Variants in LRRTM4 observed in about 807,000 individuals in gnomAD.
LRRTM4 encodes the protein leucine rich repeat transmembrane neuronal 4, also known as leucine-rich repeat transmembrane neuronal protein 4.
A neutral mutation model predicts 47.6 loss-of-function variants in LRRTM4; 25 were observed. The ratio of observed to expected loss-of-function variants is 0.53; its 90% CI spans 0.38 to 0.73. LRRTM4 has a LOEUF of 0.73. LRRTM4 is among the 30% of genes least tolerant of loss of function. The probability of loss-of-function intolerance (pLI) is 0.00; values close to 1 mark genes in which losing one functional copy is unlikely to be tolerated. For missense variants in LRRTM4, 638 were observed against 713.4 expected, an observed-to-expected ratio of 0.89 and a Z score of 1.20; for synonymous variants, 311 against 269.5, an observed-to-expected ratio of 1.15 and a Z score of -1.51.
At chr2:76,830,544 G>GTGTA (rs1218079197) in intron 3 of LRRTM4, among the ~76,000 whole-genome samples, 1 of 150,482 alleles carries the variant, frequency 6.6e-6, no homozygotes, top group Non-Finnish European at 1.5e-5. Flanking sequence ...GTGTGTGTGT[G>GTGTA]TGTTTCTGCA....
chr2:77,140,236 T>C (rs1672081805), intron 3 of LRRTM4, among the ~76,000 whole-genome samples: 1 of 152,130 alleles, frequency 6.6e-6, no homozygotes, highest in East Asian at 1.9e-4. Context: ...ACTAAAATGC[T>C]ATAGTAACCA....
intron 3 of LRRTM4, among the ~76,000 whole-genome samples, chr2:76,979,468 A>G (rs1404939151): frequency 6.6e-6 from 1 of 150,848 alleles, no homozygotes; most frequent in African/African-American, 2.5e-5. Context: ...ATGTGTTGTG[A>G]TATGTCAGAG....
At chr2:77,131,690 G>C (rs1177358632) in intron 3 of LRRTM4, among the ~76,000 whole-genome samples, 1 of 152,086 alleles carries the variant, frequency 6.6e-6, no homozygotes, top group Admixed American at 6.6e-5. Context: ...CAGGACAATG[G>C]GGAAGAATTT....
chr2:76,819,562 C>T (rs1670997154), intron 3 of LRRTM4, among the ~76,000 whole-genome samples: 1 of 151,866 alleles, frequency 6.6e-6, no homozygotes, highest in Non-Finnish European at 1.5e-5. Flanking sequence ...TTTCTCACTT[C>T]ATAATATTTT....
intron 3 of LRRTM4, among the ~76,000 whole-genome samples, chr2:77,298,275 C>T (rs1378307482): frequency 2.0e-5 from 3 of 152,170 alleles, no homozygotes; most frequent in Admixed American, 6.5e-5. Flanking sequence ...CTCGCTCTGT[C>T]GCCCAGGCTG....
At position 77,399,411 on chromosome 2, in the gene LRRTM4, G is replaced by A. The variant is rs1673848885; in HGVS notation, c.1551+118907C>T. Among the ~76,000 whole-genome samples the A allele has an allele frequency of 5.9e-5, 9 of 151,734 alleles. No individual in the cohort carries two copies. In the Admixed American group the frequency reaches 5.9e-4, roughly 10 times the overall value. ...AAATACTACATGATCTCACTTGTAT[G>A]TGGAATCTAAAAACATTTAACTCAT... On this transcript the variant is annotated intron_variant, in intron 3 of 3. Transcript: ENST00000409884.
intron 3 of LRRTM4, among the ~76,000 whole-genome samples, chr2:76,848,504 G>C (rs940676775): frequency 6.6e-6 from 1 of 151,840 alleles, no homozygotes; most frequent in African/African-American, 2.4e-5. Flanking sequence ...TTCGTACTTT[G>C]TTCATTTTCT....
At chr2:76,842,886 T>C (rs1320101506) in intron 3 of LRRTM4, among the ~76,000 whole-genome samples, 1 of 152,206 alleles carries the variant, frequency 6.6e-6, no homozygotes, top group East Asian at 1.9e-4. Flanking sequence ...GGTTATATAT[T>C]GCTGAGATCC....
intron 3 of LRRTM4, among the ~76,000 whole-genome samples, chr2:77,269,371 A>G (rs997155763): frequency 1.3e-5 from 2 of 152,172 alleles, no homozygotes; most frequent in Admixed American, 1.3e-4. Context: ...ATGTTGAATA[A>G]ATATCATTAA....
intron 3 of LRRTM4, among the ~76,000 whole-genome samples, chr2:76,998,470 T>A (rs1024615962): frequency 6.6e-6 from 1 of 151,748 alleles, no homozygotes; most frequent in African/African-American, 2.4e-5. Flanking sequence ...AACAAACAGA[T>A]CCATGATGCA....
At chr2:77,104,578 T>C (rs1671042125) in intron 3 of LRRTM4, among the ~76,000 whole-genome samples, 1 of 152,016 alleles carries the variant, frequency 6.6e-6, no homozygotes, top group Admixed American at 6.6e-5. Flanking sequence ...TATGATCAGA[T>C]GGTGAAAAAA....
intron 3 of LRRTM4, among the ~76,000 whole-genome samples, chr2:77,111,582 C>G (rs905835054): frequency 6.6e-6 from 1 of 152,088 alleles, no homozygotes; most frequent in Non-Finnish European, 1.5e-5. Context: ...CTCTCTCACT[C>G]CTGTGCTGTC....
At chr2:77,347,355 T>C (rs1261166220) in intron 3 of LRRTM4, among the ~76,000 whole-genome samples, 4 of 152,178 alleles carry the variant, frequency 2.6e-5, no homozygotes, top group African/African-American at 7.2e-5. Flanking sequence ...AATTAATAGC[T>C]ATTTCTAGCC....
chr2:76,801,584 C>T (rs930336951), intron 3 of LRRTM4, among the ~76,000 whole-genome samples: 1 of 151,878 alleles, frequency 6.6e-6, no homozygotes, highest in Admixed American at 6.6e-5. Context: ...TTAGTGGGTG[C>T]AGTGCACCAG....
chr2:76,990,049 G>A (rs1166112209), intron 3 of LRRTM4: 1 of 151,684 alleles, frequency 6.6e-6, no homozygotes, highest in Admixed American at 6.6e-5. Flanking sequence ...TGAAGTTTCA[G>A]CATCCATAAA....
chr2:77,139,312 G>T (rs572252662), intron 3 of LRRTM4, among the ~76,000 whole-genome samples: 3 of 152,296 alleles, frequency 2.0e-5, no homozygotes, highest in Admixed American at 6.5e-5. Flanking sequence ...ATGCAAGGCT[G>T]GTTCAACATA....
intron 3 of LRRTM4, among the ~76,000 whole-genome samples, chr2:77,383,100 A>G (rs763521067): frequency 4.6e-5 from 7 of 152,088 alleles, no homozygotes; most frequent in Non-Finnish European, 8.8e-5. Context: ...CAAATTAAGT[A>G]CAGAAATTAC....
intron 3 of LRRTM4, among the ~76,000 whole-genome samples, chr2:77,322,124 G>C (rs1478705640): frequency 6.6e-6 from 1 of 152,142 alleles, no homozygotes; most frequent in Non-Finnish European, 1.5e-5. Flanking sequence ...AGAAATAGTG[G>C]AGTTGTCATT....
At chr2:77,239,653 A>C (rs1000557286) in intron 3 of LRRTM4, among the ~76,000 whole-genome samples, 1 of 151,930 alleles carries the variant, frequency 6.6e-6, no homozygotes, top group Non-Finnish European at 1.5e-5. Flanking sequence ...ATACTATAGG[A>C]ATATCATTAG....
Sources: allele counts gnomAD v4.1 joint callset (sites outside exome capture counted in the v4.1 genomes callset), GRCh38; gene constraint gnomAD v4.1.1; transcripts MANE v1.5; gene names NCBI Gene and HGNC (gene_info 2026-07-23, HGNC 2026-07-21).